Variants in UBE2H observed in about 807,000 individuals in gnomAD.
UBE2H encodes the protein ubiquitin-conjugating enzyme E2 H.
UBE2H carries 3 observed loss-of-function variants against 29.0 expected under a neutral mutation model. The ratio of observed to expected loss-of-function variants is 0.10; its 90% confidence interval spans 0.05 to 0.27. UBE2H has a LOEUF of 0.27. UBE2H is among the 10% of genes least tolerant of loss of function. The pLI, the probability that UBE2H is intolerant of heterozygous loss-of-function variation, is 1.00. For synonymous variants in UBE2H, 69 were observed against 82.9 expected, an observed-to-expected ratio of 0.83 and a Z score of 0.91; for missense variants, 68 against 228.2, an observed-to-expected ratio of 0.30 and a Z score of 4.52.
intron 1 of UBE2H, among the ~76,000 whole-genome samples, chr7:129,934,548 G>A (rs1281126925): frequency 6.8e-6 from 1 of 146,720 alleles, no homozygotes; most frequent in East Asian, 2.1e-4. Flanking sequence ...TGAGGCAGGA[G>A]AATCGCTTGA....
rs542961572 is a variant in UBE2H at position 129,849,365 on chromosome 7, G to A, written c.298+8146C>T. 2.6e-5 allele frequency among the ~76,000 whole-genome samples: 4 copies of A among 152,292 alleles called. No homozygotes were observed. The East Asian group carries it at 7.7e-4, about 29-fold the overall frequency. ...GGCTGAGGCGGGCAGATCACTTGAA[G>A]TCAGGGGTTCAAGACCAACCTGGCC... On this transcript the variant is annotated intron_variant, in intron 5 of 6. Transcript: ENST00000355621.
chr7:129,925,704 G>A (rs1412106001), intron 1 of UBE2H, among the ~76,000 whole-genome samples: 1 of 152,144 alleles, frequency 6.6e-6, no homozygotes, highest in African/African-American at 2.4e-5. Flanking sequence ...CATTGGAGGA[G>A]GGGAATAGTC....
At chr7:129,904,746 A>G (rs1331604988) in intron 1 of UBE2H, among the ~76,000 whole-genome samples, 1 of 152,154 alleles carries the variant, frequency 6.6e-6, no homozygotes, top group Non-Finnish European at 1.5e-5. Flanking sequence ...TAGGATCTGG[A>G]AATAAGAGAG....
chr7:129,916,255 A>C (rs1475575409), intron 1 of UBE2H, among the ~76,000 whole-genome samples: 1 of 152,164 alleles, frequency 6.6e-6, no homozygotes, highest in African/African-American at 2.4e-5. Context: ...ATCCGATTCA[A>C]GGGGTATCTA....
At chr7:129,943,528 G>A (rs200372322) in intron 1 of UBE2H, among the ~76,000 whole-genome samples, 9 of 116,398 alleles carry the variant, frequency 7.7e-5, no homozygotes, top group Admixed American at 3.6e-4. Flanking sequence ...AGGTTGCAGT[G>A]AGTTGAAATC....
At chr7:129,890,835 TAAA>T (rs1806469050) in intron 1 of UBE2H, among the ~76,000 whole-genome samples, 1 of 151,926 alleles carries the variant, frequency 6.6e-6, no homozygotes, top group Non-Finnish European at 1.5e-5. Flanking sequence ...ACTCATGACT[TAAA>T]GAAGTCAACT....
At chr7:129,912,112 A>G (rs1416867023) in intron 1 of UBE2H, among the ~76,000 whole-genome samples, 3 of 152,304 alleles carry the variant, frequency 2.0e-5, no homozygotes, top group African/African-American at 7.2e-5. Flanking sequence ...TCCACGAACT[A>G]GGGCCCACCC....
chr7:129,920,618 A>G (rs138091044), intron 1 of UBE2H, among the ~76,000 whole-genome samples: 146 of 152,272 alleles, frequency 9.6e-4, no homozygotes, highest in African/African-American at 3.3e-3. Context: ...CATGAATGGT[A>G]TGATGACAAT....
chr7:129,836,151 G>A (rs1280938690), intron 6 of UBE2H, among the ~76,000 whole-genome samples: 2 of 152,134 alleles, frequency 1.3e-5, no homozygotes, highest in Admixed American at 1.3e-4. Flanking sequence ...CCCATGATTA[G>A]GTAGGAATTT....
At chr7:129,850,729 T>A (rs1179137605) in intron 5 of UBE2H, among the ~76,000 whole-genome samples, 1 of 151,552 alleles carries the variant, frequency 6.6e-6, no homozygotes, top group Non-Finnish European at 1.5e-5. Flanking sequence ...GCAGGAGAAC[T>A]GCTTGAACCC....
At chr7:129,846,867 C>T (rs949169959) in intron 5 of UBE2H, among the ~76,000 whole-genome samples, 3 of 152,144 alleles carry the variant, frequency 2.0e-5, no homozygotes, top group African/African-American at 7.2e-5. Context: ...CCCCAGAAGC[C>T]CAACATCCTG....
intron 1 of UBE2H, among the ~76,000 whole-genome samples, chr7:129,920,568 C>T (rs939874960): frequency 5.3e-5 from 8 of 151,670 alleles, no homozygotes; most frequent in African/African-American, 1.9e-4. Context: ...TTTATATAAA[C>T]ATACAAAATA....
rs897807145 is a variant in UBE2H, at chr7:129,840,193, G to T, written c.299-858C>A. ...CTACTGCATTTATTTATTTAAAAAAGTTTTTTTTTTGAGAGAGGATCTCAC... is the reference window on the plus strand; with the variant it reads ...CTACTGCATTTATTTATTTAAAAAATTTTTTTTTTTGAGAGAGGATCTCAC... On this transcript the variant is annotated intron_variant, in intron 5 of 6. Coordinates refer to ENST00000355621, the MANE Select transcript of UBE2H (RefSeq NM_003344.4). 4.7e-5 allele frequency among the ~76,000 whole-genome samples: 7 copies of T among 148,840 alleles called. No individual in the cohort carries two copies. The Admixed American group carries it at 4.7e-4, about 10-fold the overall frequency.
At chr7:129,873,610 T>A (rs1806087984) in intron 3 of UBE2H, among the ~76,000 whole-genome samples, 1 of 144,110 alleles carries the variant, frequency 6.9e-6, no homozygotes, top group African/African-American at 2.5e-5. Flanking sequence ...AATTTTTGTA[T>A]TTTTTTTTTT....
chr7:129,897,528 C>T (rs1021138069), intron 1 of UBE2H, among the ~76,000 whole-genome samples: 1 of 152,120 alleles, frequency 6.6e-6, no homozygotes, highest in Admixed American at 6.5e-5. Flanking sequence ...TAGACTTCGG[C>T]CTTTTTAAAG....
chr7:129,867,740 A>AAAAAAAAAAACAAAAAAAAAAAAAAAG (rs768415224), intron 3 of UBE2H, among the ~76,000 whole-genome samples: 1 of 138,308 alleles, frequency 7.2e-6, no homozygotes, highest in Non-Finnish European at 1.6e-5. Context: ...AAAAAAAAAA[A>AAAAAAAAAAACAAAAAAAAAAAAAAAG]AAGAAGACCA....
chr7:129,852,757 C>T (rs2116304092), intron 5 of UBE2H, among the ~76,000 whole-genome samples: 1 of 151,924 alleles, frequency 6.6e-6, no homozygotes, highest in Non-Finnish European at 1.5e-5. Context: ...TGGAGTTTTG[C>T]TCTTATTGCC....
intron 3 of UBE2H, among the ~76,000 whole-genome samples, chr7:129,867,544 T>C (rs1584753593): frequency 1.9e-5 from 1 of 52,014 alleles, no homozygotes; most frequent in Non-Finnish European, 3.6e-5. Context: ...CTCTGGGGAC[T>C]GTGGTGGGGT....
chr7:129,948,964 C>T (rs768757989), intron 1 of UBE2H: 1 of 456,872 alleles, frequency 2.2e-6, no homozygotes, highest in South Asian at 1.6e-5. Context: ...CATACTCCAT[C>T]AGCTGTTTGG....
Sources: allele counts gnomAD v4.1 joint callset (sites outside exome capture counted in the v4.1 genomes callset), GRCh38; gene constraint gnomAD v4.1.1; transcripts MANE v1.5; gene names NCBI Gene and HGNC (gene_info 2026-07-23, HGNC 2026-07-21).